Variants in PPP2R5C observed in about 807,000 individuals in gnomAD.
PPP2R5C encodes serine/threonine-protein phosphatase 2A 56 kDa regulatory subunit gamma isoform.
A neutral mutation model predicts 68.9 loss-of-function variants in PPP2R5C; 7 were observed. The observed-to-expected ratio is 0.10, with a 90% CI of 0.06 to 0.19. The LOEUF (loss-of-function observed/expected upper bound fraction) is 0.19, where lower values mean the gene tolerates loss of function less well. Among genes scored for constraint, PPP2R5C ranks in the 10% least tolerant of loss-of-function variants. PPP2R5C has a pLI of 1.00. For missense variants in PPP2R5C, 348 were observed against 641.3 expected, an observed-to-expected ratio of 0.54 and a Z score of 4.94; for synonymous variants, 210 against 222.2, an observed-to-expected ratio of 0.95 and a Z score of 0.49.
upstream of PPP2R5C, chr14:101,809,796 A>G (rs1285971697): frequency 2.2e-6 from 3 of 1,340,162 alleles, no homozygotes; most frequent in African/African-American, 3.0e-5. Context: ...CTTCCGGCCA[A>G]TCAGCGAGCT....
chr14:101,837,317 AT>A (rs71770382), intron 1 of PPP2R5C, among the ~76,000 whole-genome samples: 33,297 of 150,138 alleles, frequency 0.22, 4,347 homozygotes, highest in African/African-American at 0.37. Flanking sequence ...CTCATTTTGT[AT>A]TTTTTTTTAG....
chr14:101,861,985 C>T (rs1373496925), intron 2 of PPP2R5C, among the ~76,000 whole-genome samples: 1 of 152,170 alleles, frequency 6.6e-6, no homozygotes, highest in African/African-American at 2.4e-5. Flanking sequence ...CAGTCATAGC[C>T]CACTGCAGCC....
chr14:101,817,425 G>A (rs1436746237), intron 1 of PPP2R5C, among the ~76,000 whole-genome samples: 1 of 152,144 alleles, frequency 6.6e-6, no homozygotes, highest in Non-Finnish European at 1.5e-5. Context: ...TCATATTTGA[G>A]TCTTTGCCAG....
chr14:101,772,738 G>A (rs1292625091), intron 2 of PPP2R5C, among the ~76,000 whole-genome samples: 2 of 152,204 alleles, frequency 1.3e-5, no homozygotes, highest in Non-Finnish European at 2.9e-5. Flanking sequence ...AGAGGTTGCA[G>A]TGAGCCAAGA....
chr14:101,832,759 T>A lies in PPP2R5C; in HGVS notation c.94+22723T>A, dbSNP rs944244563. 1.7e-3 allele frequency among the ~76,000 whole-genome samples: 261 copies of A among 152,296 alleles called. 6 individuals are homozygous for A. The highest frequency in any genetic ancestry group is 3.7e-4 in the Non-Finnish European group (25 of 68,016). On this transcript the variant is annotated intron_variant, in intron 1 of 13. Coordinates refer to ENST00000334743, the Ensembl canonical transcript of PPP2R5C. Reference sequence around the variant, plus strand: ...ACTCCAGCAGCGTGAGTGACCCCTCTGTGTCCTCATCCACCCCGCCACTCC... The same window carrying A: ...ACTCCAGCAGCGTGAGTGACCCCTCAGTGTCCTCATCCACCCCGCCACTCC...
chr14:101,849,341 GT>G (rs2042016436), intron 1 of PPP2R5C, among the ~76,000 whole-genome samples: 1 of 152,158 alleles, frequency 6.6e-6, no homozygotes, highest in South Asian at 2.1e-4. Context: ...CATGGGTGGT[GT>G]TCGGGCTCCA....
upstream of PPP2R5C, among the ~76,000 whole-genome samples, chr14:101,807,587 A>G (rs957040623): frequency 6.6e-6 from 1 of 152,180 alleles, no homozygotes; most frequent in African/African-American, 2.4e-5. Context: ...TTATATTTTT[A>G]TATTTCCAAT....
intron 1 of PPP2R5C, among the ~76,000 whole-genome samples, chr14:101,814,004 G>A (rs920274958): frequency 1.2e-4 from 19 of 152,176 alleles, no homozygotes; most frequent in African/African-American, 3.1e-4. Flanking sequence ...TTCCTGCTGC[G>A]CTAAATCTGG....
chr14:101,888,411 T>C lies in PPP2R5C; in HGVS notation c.630-1826T>C, dbSNP rs1026228447. 1.3e-5 allele frequency among the ~76,000 whole-genome samples: 2 copies of C among 152,062 alleles called. No individual in the cohort carries two copies. The highest frequency in any genetic ancestry group is 4.8e-5 in the African/African-American group (2 of 41,384). ...AGGTGCGAGCATTTTCTGTTTCTTG[T>C]CATGGCACCAGTGTCGTTCCTGTCA... On this transcript the variant is annotated intron_variant, in intron 5 of 13. Coordinates refer to ENST00000334743, the Ensembl canonical transcript of PPP2R5C. The surrounding 1 kb of genome is among the most constrained non-coding windows in gnomAD (Gnocchi z 5.6).
chr14:101,855,572 G>A (rs1254289477), intron 1 of PPP2R5C, among the ~76,000 whole-genome samples: 4 of 152,182 alleles, frequency 2.6e-5, no homozygotes, highest in Admixed American at 2.6e-4. Context: ...GCCCTTGAAT[G>A]GTGTTAACAC....
chr14:101,896,572 A>G (rs189879848), intron 8 of PPP2R5C, among the ~76,000 whole-genome samples: 1 of 151,738 alleles, frequency 6.6e-6, no homozygotes, highest in Non-Finnish European at 1.5e-5. Flanking sequence ...CATCTCTACA[A>G]AAAATACAAA....
Position 101,895,354 on chromosome 14 carries a change from C to T in PPP2R5C, c.852+794C>T, listed in dbSNP as rs147726750. On this transcript the variant is annotated intron_variant, in intron 8 of 13. Transcript: ENST00000334743. ...AACATAAAATTTGTCATTTTAACCGCGTTAAATGTACAGTTCACCAGCGTT... is the reference window on the plus strand; with the variant it reads ...AACATAAAATTTGTCATTTTAACCGTGTTAAATGTACAGTTCACCAGCGTT... Among the ~76,000 whole-genome samples the T allele has an allele frequency of 7.9e-3, 1,209 of 152,138 alleles. 5 individuals are homozygous for T. The highest frequency in any genetic ancestry group is 9.8e-3 in the Non-Finnish European group (664 of 68,016).
chr14:101,925,290 C>T, exon 14 of PPP2R5C: 2 of 1,610,296 alleles, frequency 1.2e-6, no homozygotes, highest in Non-Finnish European at 1.7e-6. Flanking sequence ...GGCGCCGCGT[C>T]GGGGCCGGGC....
intron 1 of PPP2R5C, among the ~76,000 whole-genome samples, chr14:101,832,736 T>C (rs1259597299): frequency 6.6e-6 from 1 of 152,082 alleles, no homozygotes; most frequent in Admixed American, 6.5e-5. Flanking sequence ...GGGTCCAGAC[T>C]CCAGCAGCGT....
chr14:101,885,074 G>T (rs1419251924), intron 5 of PPP2R5C, among the ~76,000 whole-genome samples: 1 of 152,198 alleles, frequency 6.6e-6, no homozygotes, highest in South Asian at 2.1e-4. Context: ...TGGTGGGGAC[G>T]GTATGATGGC....
At chr14:101,842,526 G>C (rs1404434280) in intron 1 of PPP2R5C, among the ~76,000 whole-genome samples, 1 of 152,200 alleles carries the variant, frequency 6.6e-6, no homozygotes, top group Non-Finnish European at 1.5e-5. Flanking sequence ...TCCCCACCCA[G>C]GTGTGCTGGT....
At chr14:101,785,817 C>T (rs2038065547) in intron 2 of PPP2R5C, among the ~76,000 whole-genome samples, 1 of 152,200 alleles carries the variant, frequency 6.6e-6, no homozygotes, top group African/African-American at 2.4e-5. Context: ...AGAAATTAGG[C>T]ATCTTTGAAT....
chr14:101,905,416 T>C (rs1054701390), intron 9 of PPP2R5C, among the ~76,000 whole-genome samples: 1 of 152,016 alleles, frequency 6.6e-6, no homozygotes, highest in Non-Finnish European at 1.5e-5. Context: ...CCCAGCACTT[T>C]GGAAGACCAA....
At chr14:101,786,024 T>C in exon 3 of PPP2R5C, 1 of 1,523,072 alleles carries the variant, frequency 6.6e-7, no homozygotes, top group African/African-American at 1.4e-5. Context: ...GAAGCAAATT[T>C]CCGTCAGGAA....
Sources: allele counts gnomAD v4.1 joint callset (sites outside exome capture counted in the v4.1 genomes callset), GRCh38; gene constraint gnomAD v4.1.1; non-coding constraint Gnocchi (gnomAD v3.1); transcripts MANE v1.5; gene names NCBI Gene and HGNC (gene_info 2026-07-23, HGNC 2026-07-21).